Variants in FBN2 observed in about 807,000 individuals in gnomAD.
FBN2 encodes fibrillin-2.
In FBN2, 105 loss-of-function variants were observed where a neutral mutation model predicts 355.6. The ratio of observed to expected loss-of-function variants is 0.30; its 90% CI spans 0.25 to 0.35. The LOEUF is 0.35. FBN2 is among the 10% of genes least tolerant of loss of function. The pLI, the probability that FBN2 is intolerant of heterozygous loss-of-function variation, is 1.00. For missense variants in FBN2, 3,280 were observed against 3,758.7 expected (o/e 0.87, Z 3.33); for synonymous variants, 1,350 against 1,301.2 (o/e 1.04, Z -0.81).
chr5:128,479,826 C>T (rs144850752), intron 5 of FBN2, among the ~76,000 whole-genome samples: 1 of 150,992 alleles, frequency 6.6e-6, no homozygotes, highest in Non-Finnish European at 1.5e-5. Flanking sequence ...ACTTAGGAAG[C>T]TGAAGTGAGA....
intron 5 of FBN2, among the ~76,000 whole-genome samples, chr5:128,491,892 A>T (rs998354488): frequency 2.0e-5 from 3 of 152,110 alleles, no homozygotes; most frequent in African/African-American, 7.2e-5. Context: ...TTTTTGAGCT[A>T]TTCTCTCTTT....
At chr5:128,455,013 G>A (rs1186114254) in intron 6 of FBN2, among the ~76,000 whole-genome samples, 1 of 152,110 alleles carries the variant, frequency 6.6e-6, no homozygotes, top group East Asian at 1.9e-4. Context: ...AATTATGCCA[G>A]TTTAATTTTA....
intron 9 of FBN2, 150 bp from the exon 10 acceptor site, chr5:128,393,518 G>A (rs1036984946): frequency 4.8e-5 from 31 of 647,068 alleles, no homozygotes; most frequent in Non-Finnish European, 7.2e-5. Flanking sequence ...TTTTAATGCT[G>A]GCAGTAGCAA....
chr5:128,308,625 T>A (rs1749949850), intron 41 of FBN2, among the ~76,000 whole-genome samples: 1 of 152,192 alleles, frequency 6.6e-6, no homozygotes, highest in Admixed American at 6.5e-5. Context: ...AAGACAAGCA[T>A]TTTTGCTCTT....
chr5:128,502,426 T>C (rs1755843726), intron 5 of FBN2, among the ~76,000 whole-genome samples: 1 of 152,120 alleles, frequency 6.6e-6, no homozygotes, highest in Non-Finnish European at 1.5e-5. Flanking sequence ...TTGGATCATA[T>C]ATACAGAAAT....
chr5:128,320,018 T>C lies in FBN2; in HGVS notation c.4472-1017A>G, dbSNP rs559004635. Among the ~76,000 whole-genome samples, 3 of 152,326 alleles carry C rather than the reference T, an allele frequency of 2.0e-5. No individual in the cohort carries two copies. The South Asian group carries it at 6.2e-4, about 32-fold the overall frequency. ...TTGGTCATTCTTCCCAGTTAAAATATTGGTTTCAACTATTTTAGATTTAAG... is the reference window on the plus strand; with the variant it reads ...TTGGTCATTCTTCCCAGTTAAAATACTGGTTTCAACTATTTTAGATTTAAG... On this transcript the variant is annotated intron_variant, in intron 34 of 64. Coordinates refer to ENST00000262464, the MANE Select transcript of FBN2 (RefSeq NM_001999.4).
chr5:128,395,362 A>G lies in FBN2; in HGVS notation c.1079-88T>C, dbSNP rs992259967. ...CTGTACATGAGATGAATGTAGGTGA[A>G]GTGACTCATACCACTTAATCTCTGT... On this transcript the variant is annotated intron_variant, in intron 8 of 64. Transcript: ENST00000262464. The G allele has an allele frequency of 2.7e-5, 37 of 1,370,814 alleles. 1 individual carries two copies. In the African/African-American group the frequency reaches 5.3e-4, roughly 19 times the overall value. The allele number at this position is 1,370,814 out of a possible 1,614,324, so 84.9% of individuals were successfully genotyped here.
intron 7 of FBN2, among the ~76,000 whole-genome samples, chr5:128,425,178 T>A (rs1753454443): frequency 6.6e-6 from 1 of 152,116 alleles, no homozygotes; most frequent in Non-Finnish European, 1.5e-5. Context: ...ATCAAGTTAT[T>A]TATGTTTTAA....
intron 7 of FBN2, among the ~76,000 whole-genome samples, chr5:128,409,207 A>G (rs1753006784): frequency 6.6e-6 from 1 of 152,182 alleles, no homozygotes; most frequent in Non-Finnish European, 1.5e-5. Flanking sequence ...ACTAATTTTC[A>G]CACTATTTGA....
Position 128,273,858 on chromosome 5 carries a change from T to A in FBN2, c.7822A>T (p.Thr2608Ser), listed in dbSNP as rs762538141. 6.2e-7 allele frequency: 1 copy of A among 1,614,000 alleles called. No homozygotes were observed. The highest frequency in any genetic ancestry group is 8.5e-7 in the Non-Finnish European group (1 of 1,179,912). The change falls in exon 61 of 65, where the codon ACC becomes TCC. Residue 2608 changes from threonine (T) to serine (S), a missense_variant. This residue lies in a region of FBN2 where 2,284 missense variants were observed against 2,749.5 expected (regional missense o/e 0.83). Transcript: ENST00000262464. ...AACTAACCTTCACAGTTCAGTCCGG[T>A]GGCATCAAGAGAGAACCCTCTTTGG... ...ECQRGFSLDA[T>S]GLNCEDVDEC...
chr5:128,321,029 C>T lies in FBN2; in HGVS notation c.4472-2028G>A, dbSNP rs114876143. On this transcript the variant is annotated intron_variant, in intron 34 of 64. Transcript: ENST00000262464. Reference sequence around the variant, plus strand: ...CACAGTGTTTAGTACTAATTATTTACTTAAAGGGATCAATAATGGTTTTAT... The same window carrying T: ...CACAGTGTTTAGTACTAATTATTTATTTAAAGGGATCAATAATGGTTTTAT... Among the ~76,000 whole-genome samples, 1,507 of 152,118 alleles carry T rather than the reference C, an allele frequency of 9.9e-3. 24 individuals are homozygous for T. Among genetic ancestry groups the T allele is most frequent in the African/African-American group, 0.034 (1,420 of 41,512 alleles).
chr5:128,278,825 G>A lies in FBN2; in HGVS notation c.7155C>T (p.Leu2385=), dbSNP rs765426306. 1 of 1,613,810 alleles carries A rather than the reference G, an allele frequency of 6.2e-7. No homozygotes were observed. The highest frequency in any genetic ancestry group is 8.5e-7 in the Non-Finnish European group (1 of 1,179,904). Residue 2385 remains leucine, a synonymous_variant, in exon 57 of 65, where the codon CTC becomes CTT. Coordinates refer to ENST00000262464, the MANE Select transcript of FBN2 (RefSeq NM_001999.4). The part of the protein sequence containing the change: ...GTECLDNRQG[L]CFAEVLQTIC... The stretch of plus-strand genomic sequence containing the variant: ...TTGTCTGCAGTACCTCTGCAAAGCA[G>A]AGACCCTGTCGATTGTCTGAAATGG...
intron 19 of FBN2, among the ~76,000 whole-genome samples, chr5:128,358,740 A>ATT (rs1364238603): frequency 3.3e-5 from 5 of 152,064 alleles, no homozygotes; most frequent in Admixed American, 6.6e-5. Context: ...CTAACCATAA[A>ATT]AGAAGCAGAT....
intron 5 of FBN2, among the ~76,000 whole-genome samples, chr5:128,487,569 C>T (rs560066459): frequency 2.8e-4 from 42 of 152,098 alleles, no homozygotes; most frequent in African/African-American, 9.4e-4. Flanking sequence ...CCAAAAAGAC[C>T]GTAAGTACAT....
At chr5:128,316,936 T>A (rs1056423149) in intron 36 of FBN2, among the ~76,000 whole-genome samples, 1 of 152,328 alleles carries the variant, frequency 6.6e-6, no homozygotes, top group East Asian at 1.9e-4. Context: ...GAGTTTACTA[T>A]GCAGCCTGGG....
intron 20 of FBN2, among the ~76,000 whole-genome samples, chr5:128,352,595 C>A (rs2126924928): frequency 6.6e-6 from 1 of 152,238 alleles, no homozygotes; most frequent in African/African-American, 2.4e-5. Context: ...TTGGCTAAAA[C>A]AAATCATATG....
rs114861118 is a variant in FBN2, at chr5:128,394,211, C to T, written c.1232-843G>A. Among the ~76,000 whole-genome samples the T allele has an allele frequency of 6.4e-3, 973 of 152,142 alleles. 13 individuals are homozygous for T. The highest frequency in any genetic ancestry group is 0.022 in the African/African-American group (903 of 41,528). On this transcript the variant is annotated intron_variant, in intron 9 of 64. Coordinates refer to ENST00000262464, the MANE Select transcript of FBN2 (RefSeq NM_001999.4). ...TTGAAAACTTTAATTATTTTACACG[C>T]TTTTAATTCAATGAGAAAATGATAA...
In FBN2 at chr5:128,436,725, G is replaced by A. The variant is rs913666611; in HGVS notation, c.952+9756C>T. 2.6e-5 allele frequency among the ~76,000 whole-genome samples: 4 copies of A among 151,728 alleles called. No individual in the cohort carries two copies. The East Asian group carries it at 7.8e-4, about 29-fold the overall frequency. ...TATTTGCGGTATCTTCGTTTCTCCT[G>A]TATGATTTCCTAATCTGAACGATGT... is the stretch of plus-strand genomic sequence containing the variant. On this transcript the variant is annotated intron_variant, in intron 7 of 64. Transcript: ENST00000262464.
intron 5 of FBN2, among the ~76,000 whole-genome samples, chr5:128,507,086 A>G (rs73334127): frequency 6.6e-6 from 1 of 152,192 alleles, no homozygotes; most frequent in African/African-American, 2.4e-5. Context: ...TTGGCCTCAC[A>G]GAAGCAGTTG....
Sources: gnomAD v4.1 joint callset for allele counts (sites outside exome capture counted in the v4.1 genomes callset) on GRCh38, gnomAD v4.1.1 for gene constraint, gnomAD v4.1.1 regional missense constraint, MANE v1.5 for transcripts, NCBI Gene and HGNC (gene_info 2026-07-23, HGNC 2026-07-21) for gene names.